Variants in MGAT4A observed in about 807,000 individuals in gnomAD.
The protein encoded by MGAT4A is N-acetylglucosaminyltransferase IVa.
In MGAT4A, 33 loss-of-function variants were observed where a neutral mutation model predicts 74.1. That is an observed-to-expected ratio of 0.45 (90% CI 0.34 to 0.60). MGAT4A has a LOEUF of 0.60. MGAT4A is among the 20% of genes least tolerant of loss of function. The probability of loss-of-function intolerance (pLI) is 0.02; values close to 1 mark genes in which losing one functional copy is unlikely to be tolerated. For missense variants in MGAT4A, 479 were observed against 628.3 expected, an observed-to-expected ratio of 0.76 and a Z score of 2.54; for synonymous variants, 198 against 210.4, an observed-to-expected ratio of 0.94 and a Z score of 0.51.
At chr2:98,729,568 T>C (rs553411924) in intron 1 of MGAT4A, among the ~76,000 whole-genome samples, 7 of 152,362 alleles carry the variant, frequency 4.6e-5, no homozygotes, top group African/African-American at 1.7e-4. Context: ...CTAAAATTGC[T>C]AGTCATTTCT....
intron 8 of MGAT4A, among the ~76,000 whole-genome samples, chr2:98,654,021 G>C (rs1172318966): frequency 6.6e-6 from 1 of 151,862 alleles, no homozygotes; most frequent in African/African-American, 2.4e-5. Context: ...AAATCAATCA[G>C]TGTAACATAT....
chr2:98,643,920 T>C lies in MGAT4A; in HGVS notation c.1020+3A>G. ...CCTCCACTCTGGTGAGGAATTAACTTACTGCATCTTTTTCAGGGTTGCAGA... is the reference window on the plus strand; with the variant it reads ...CCTCCACTCTGGTGAGGAATTAACTCACTGCATCTTTTTCAGGGTTGCAGA... On this transcript the variant is annotated splice_donor_region_variant and intron_variant, in intron 10 of 15. Transcript: ENST00000393487. 1 of 1,541,974 alleles carries C rather than the reference T, an allele frequency of 6.5e-7. No homozygotes were observed. The highest frequency in any genetic ancestry group is 2.3e-5 in the East Asian group (1 of 43,146).
intron 2 of MGAT4A, among the ~76,000 whole-genome samples, chr2:98,720,623 AGTGT>A (rs57302536): frequency 0.25 from 38,432 of 150,740 alleles, 5,552 homozygotes; most frequent in African/African-American, 0.38. Context: ...CATGTGTTTG[AGTGT>A]GTGTGTGTGT....
At chr2:98,642,818 TCTAA>T (rs1421812490) in intron 10 of MGAT4A, among the ~76,000 whole-genome samples, 3 of 152,220 alleles carry the variant, frequency 2.0e-5, no homozygotes, top group Non-Finnish European at 2.9e-5. Flanking sequence ...CATGATTTCC[TCTAA>T]CTAAGAATGT....
chr2:98,637,947 G>A (rs1373121971), intron 12 of MGAT4A, among the ~76,000 whole-genome samples: 1 of 152,144 alleles, frequency 6.6e-6, no homozygotes, highest in Non-Finnish European at 1.5e-5. Context: ...GAATTCTTGG[G>A]GTGATAGAAA....
intron 4 of MGAT4A, among the ~76,000 whole-genome samples, chr2:98,672,346 G>A (rs1241907592): frequency 6.6e-5 from 10 of 152,140 alleles, no homozygotes; most frequent in Non-Finnish European, 8.8e-5. Context: ...CACAAGACTC[G>A]GAACCACATC....
intron 8 of MGAT4A, among the ~76,000 whole-genome samples, chr2:98,653,824 A>C (rs184372528): frequency 1.1e-3 from 164 of 152,330 alleles, no homozygotes; most frequent in African/African-American, 3.8e-3. Flanking sequence ...AACACATTCT[A>C]GGAGGCCTGC....
At chr2:98,669,726 C>T (rs1164219435) in intron 4 of MGAT4A, among the ~76,000 whole-genome samples, 1 of 152,158 alleles carries the variant, frequency 6.6e-6, no homozygotes, top group East Asian at 1.9e-4. Flanking sequence ...AGGGTAGTTT[C>T]CTTGGCCTTC....
At chr2:98,725,144 A>T (rs1414371086) in intron 2 of MGAT4A, among the ~76,000 whole-genome samples, 1 of 152,224 alleles carries the variant, frequency 6.6e-6, no homozygotes, top group Non-Finnish European at 1.5e-5. Flanking sequence ...CATGAATTCT[A>T]AAATGTACAT....
chr2:98,686,598 G>C (rs1448580267), intron 2 of MGAT4A, among the ~76,000 whole-genome samples: 2 of 151,690 alleles, frequency 1.3e-5, no homozygotes, highest in African/African-American at 4.8e-5. Context: ...CCAGGCTGGA[G>C]TGCAGTGGCA....
In MGAT4A at chr2:98,640,209, TTCTG is replaced by T; in HGVS notation, c.1036_1039del (p.Gln346LysfsTer35). On this transcript the variant is annotated frameshift_variant, in exon 11 of 16. Coordinates refer to ENST00000393487, the MANE Select transcript of MGAT4A (RefSeq NM_012214.3). LOFTEE classifies it high-confidence loss of function. The stretch of plus-strand genomic sequence containing the variant: ...TCTGAAGCGAATTCGCAGATTTGCT[TTCTG>T]TCTATCACAATGTTTCTAAATATTA... The T allele has an allele frequency of 6.2e-7, 1 of 1,613,892 alleles. No homozygotes were observed. Among genetic ancestry groups the T allele is most frequent in the Non-Finnish European group, 8.5e-7 (1 of 1,179,830 alleles).
chr2:98,717,003 C>T (rs1315161753), intron 2 of MGAT4A, among the ~76,000 whole-genome samples: 1 of 152,090 alleles, frequency 6.6e-6, no homozygotes, highest in African/African-American at 2.4e-5. Context: ...ATACAGAGGG[C>T]CGACGGTGCC....
intron 3 of MGAT4A, among the ~76,000 whole-genome samples, chr2:98,675,726 A>T (rs72825754): frequency 0.24 from 35,652 of 151,192 alleles, 4,977 homozygotes; most frequent in Non-Finnish European, 0.32. Context: ...TAAAAAAAAA[A>T]TTTTTTTTGT....
intron 4 of MGAT4A, among the ~76,000 whole-genome samples, chr2:98,672,769 A>G (rs1371810641): frequency 2.0e-5 from 3 of 152,210 alleles, no homozygotes; most frequent in South Asian, 2.1e-4. Context: ...CTAAAATTCC[A>G]TATCAGTCCC....
intron 8 of MGAT4A, 31 bp from the exon 9 acceptor site, chr2:98,645,573 A>C (rs1477376366): frequency 7.0e-7 from 1 of 1,426,366 alleles, no homozygotes; most frequent in Non-Finnish European, 9.4e-7. Flanking sequence ...ATATTAATAC[A>C]TCAAAAAAAG....
At chr2:98,730,837 G>A (rs1292428376) in intron 1 of MGAT4A, among the ~76,000 whole-genome samples, 76 of 145,826 alleles carry the variant, frequency 5.2e-4, no homozygotes, top group African/African-American at 9.4e-4. Flanking sequence ...CCCGGAGCCG[G>A]CCCCGCGCCC....
rs1701121387 is a variant in MGAT4A at position 98,624,864 on chromosome 2, T to C, written c.*702A>G. On this transcript the variant is annotated 3_prime_UTR_variant, in exon 16 of 16. Coordinates refer to ENST00000393487, the MANE Select transcript of MGAT4A (RefSeq NM_012214.3). ...ACATTAGTCTTTAAAATCTTGGCTT[T>C]AAGGAATGACAAATGTCTTTGAAAA... The C allele has an allele frequency of 1.0e-6, 1 of 985,092 alleles. No homozygotes were observed. Among genetic ancestry groups the C allele is most frequent in the African/African-American group, 1.7e-5 (1 of 57,222 alleles). 61.0% of individuals were successfully genotyped at this position (985,092 alleles called of 1,614,324 possible).
Position 98,622,700 on chromosome 2 carries a change from A to T in MGAT4A, c.*2866T>A. On this transcript the variant is annotated 3_prime_UTR_variant, in exon 16 of 16. Coordinates refer to ENST00000393487, the MANE Select transcript of MGAT4A (RefSeq NM_012214.3). Reference sequence around the variant, plus strand: ...CAGTGAGAGGCCCTGAGCACCCACCATAGGAGAGGACAGATGAGCAGTATG... The same window carrying T: ...CAGTGAGAGGCCCTGAGCACCCACCTTAGGAGAGGACAGATGAGCAGTATG... 1 of 985,718 alleles carries T rather than the reference A, an allele frequency of 1.0e-6. No homozygotes were observed. Among genetic ancestry groups the T allele is most frequent in the Non-Finnish European group, 1.2e-6 (1 of 830,184 alleles). The allele number at this position is 985,718 out of a possible 1,614,324, so 61.1% of individuals were successfully genotyped here.
intron 10 of MGAT4A, among the ~76,000 whole-genome samples, chr2:98,641,303 C>T (rs1245347642): frequency 1.3e-5 from 2 of 151,708 alleles, no homozygotes; most frequent in Non-Finnish European, 2.9e-5. Flanking sequence ...GATGGATCAC[C>T]TGAGGTCAGG....
Sources: allele counts gnomAD v4.1 joint callset (sites outside exome capture counted in the v4.1 genomes callset), GRCh38; gene constraint gnomAD v4.1.1; transcripts MANE v1.5; gene names NCBI Gene and HGNC (gene_info 2026-07-23, HGNC 2026-07-21).